The following HNMT variants were observed in gnomAD, a reference collection of about 807,000 sequenced individuals.
HNMT encodes the protein histamine N-methyltransferase.
In HNMT, 30 loss-of-function variants were observed where a neutral mutation model predicts 32.1. The observed-to-expected ratio is 0.93, with a 90% confidence interval of 0.70 to 1.27. HNMT has a LOEUF of 1.27. Ranked by LOEUF, HNMT falls within the 50% of genes most tolerant of loss-of-function variation. HNMT has a pLI of 0.00. For missense variants in HNMT, 327 were observed against 346.0 expected (o/e 0.95, Z 0.43); for synonymous variants, 125 against 119.0 (o/e 1.05, Z -0.33).
At chr2:138,005,374 T>C in intron 5 of HNMT, 149 bp downstream of exon 5, 1 of 595,694 alleles carries the variant, frequency 1.7e-6, no homozygotes, top group Non-Finnish European at 3.0e-6. Context: ...TTTCACAGTA[T>C]TAGGGAAGTC....
intron 2 of HNMT, among the ~76,000 whole-genome samples, chr2:137,983,764 G>C (rs750943033): frequency 6.6e-6 from 1 of 152,190 alleles, no homozygotes; most frequent in Non-Finnish European, 1.5e-5. Context: ...ATATGAGTAA[G>C]TTTGTTTGCA....
intron 5 of HNMT, among the ~76,000 whole-genome samples, chr2:138,010,615 A>G (rs947598479): frequency 2.0e-5 from 3 of 152,086 alleles, no homozygotes; most frequent in Non-Finnish European, 4.4e-5. Context: ...ATGGAAATAT[A>G]TGTTGCTTGA....
chr2:137,998,959 T>A (rs914092517), intron 2 of HNMT, among the ~76,000 whole-genome samples: 2 of 152,190 alleles, frequency 1.3e-5, no homozygotes, highest in African/African-American at 4.8e-5. Context: ...AGCCCACAGC[T>A]ATTCTTACCA....
chr2:138,007,530 G>A (rs1681366023), intron 5 of HNMT, among the ~76,000 whole-genome samples: 1 of 151,878 alleles, frequency 6.6e-6, no homozygotes, highest in Admixed American at 6.6e-5. Context: ...AGTAAATGAT[G>A]GAGTTCTCAT....
rs1395736028 is a variant in HNMT, at chr2:138,016,065, T to G, written c.*1935T>G. Reference sequence around the variant, plus strand: ...AAGGGATAAACCTATCCCTGTTTTCTTCCTGCACTGTATGATAATACCAAA... The same window carrying G: ...AAGGGATAAACCTATCCCTGTTTTCGTCCTGCACTGTATGATAATACCAAA... On this transcript the variant is annotated 3_prime_UTR_variant, in exon 6 of 6. Transcript: ENST00000280097. 1 of 152,252 alleles carries G rather than the reference T, an allele frequency of 6.6e-6. No homozygotes were observed. The highest frequency in any genetic ancestry group is 2.4e-5 in the African/African-American group (1 of 41,566). The allele number at this position is 152,252 out of a possible 1,614,324, so 9.4% of individuals were successfully genotyped here. A position where few individuals can be genotyped will look rare whatever the true frequency, so the allele number is the denominator to read the frequency against.
At chr2:137,995,752 G>A (rs1008738424) in intron 2 of HNMT, among the ~76,000 whole-genome samples, 3 of 151,854 alleles carry the variant, frequency 2.0e-5, no homozygotes, top group Non-Finnish European at 2.9e-5. Flanking sequence ...GATGAATATC[G>A]ATGGGAAAAT....
intron 5 of HNMT, among the ~76,000 whole-genome samples, chr2:138,011,784 C>G (rs750834699): frequency 5.9e-5 from 9 of 152,086 alleles, no homozygotes; most frequent in African/African-American, 2.2e-4. Flanking sequence ...ACTTCAGTAA[C>G]GTTAACTATT....
intron 5 of HNMT, 90 bp from the exon 6 acceptor site, chr2:138,013,685 T>C: frequency 1.1e-6 from 1 of 874,458 alleles, no homozygotes; most frequent in Admixed American, 2.6e-5. Context: ...ATTATTATTT[T>C]GTTCTATTCT....
At chr2:138,011,689 A>C (rs933142155) in intron 5 of HNMT, among the ~76,000 whole-genome samples, 1 of 152,132 alleles carries the variant, frequency 6.6e-6, no homozygotes, top group Non-Finnish European at 1.5e-5. Context: ...CTTGGGAACC[A>C]AAAGTATCTC....
At chr2:137,998,971 C>G (rs945740317) in intron 2 of HNMT, among the ~76,000 whole-genome samples, 4 of 152,026 alleles carry the variant, frequency 2.6e-5, no homozygotes, top group African/African-American at 7.3e-5. Flanking sequence ...TTCTTACCAG[C>G]CTTTTGTCTT....
In HNMT at chr2:138,012,216, T is replaced by C. The variant is rs373556888; in HGVS notation, c.524-1559T>C. Among the ~76,000 whole-genome samples the C allele has an allele frequency of 3.3e-5, 5 of 152,268 alleles. No homozygotes were observed. In the East Asian group the frequency reaches 9.7e-4, roughly 29 times the overall value. On this transcript the variant is annotated intron_variant, in intron 5 of 5. Coordinates refer to ENST00000280097, the MANE Select transcript of HNMT (RefSeq NM_006895.3). ...CTTAAATTATCTCATGTAATGCTTGTAGTTGCATTCAAGGTAAGTTTGATA... is the reference window on the plus strand; with the variant it reads ...CTTAAATTATCTCATGTAATGCTTGCAGTTGCATTCAAGGTAAGTTTGATA...
intron 2 of HNMT, among the ~76,000 whole-genome samples, chr2:138,000,241 A>G (rs1681119700): frequency 6.6e-6 from 1 of 152,050 alleles, no homozygotes; most frequent in Non-Finnish European, 1.5e-5. Context: ...TTACCCTGGG[A>G]GTGACAGAGT....
chr2:137,992,748 G>A (rs988266186), intron 2 of HNMT, among the ~76,000 whole-genome samples: 1 of 152,148 alleles, frequency 6.6e-6, no homozygotes, highest in Non-Finnish European at 1.5e-5. Flanking sequence ...CTCCAATAGA[G>A]GTTGTCAGAC....
chr2:137,970,915 G>A (rs368189996), intron 2 of HNMT, among the ~76,000 whole-genome samples: 1 of 61,790 alleles, frequency 1.6e-5, no homozygotes, highest in Non-Finnish European at 3.1e-5. Context: ...GCGAGACTAC[G>A]TCTCAAAAAA....
intron 1 of HNMT, among the ~76,000 whole-genome samples, chr2:137,967,934 C>T (rs921881936): frequency 2.6e-5 from 4 of 152,124 alleles, no homozygotes; most frequent in African/African-American, 9.7e-5. Context: ...ACCTAAAGAG[C>T]CTTGGTTTTC....
chr2:138,008,566 A>G (rs765716819), intron 5 of HNMT, among the ~76,000 whole-genome samples: 3 of 152,140 alleles, frequency 2.0e-5, no homozygotes, highest in Middle Eastern at 6.8e-3. Flanking sequence ...TGGTACTGGT[A>G]CAAAAACAAG....
chr2:138,002,142 G>T lies in HNMT; in HGVS notation c.377G>T (p.Arg126Ile). The change falls in exon 4 of 6, where the codon AGA becomes ATA. Residue 126 changes from arginine (R) to isoleucine (I), a missense_variant. Physicochemically the swap from Arg to Ile is moderately conservative, Grantham distance 97. Transcript: ENST00000280097. ...HKETSSEYQS[R>I]MLEKKELQKW... ...GAGACATCATCTGAATACCAAAGTA[G>T]AATGTTGGAGAAAAAGGAGCTTCAA... 1 of 1,599,796 alleles carries T rather than the reference G, an allele frequency of 6.3e-7. No individual in the cohort carries two copies. The highest frequency in any genetic ancestry group is 8.5e-7 in the Non-Finnish European group (1 of 1,170,994).
At chr2:137,987,161 A>G (rs1029668388) in intron 2 of HNMT, among the ~76,000 whole-genome samples, 14 of 152,162 alleles carry the variant, frequency 9.2e-5, no homozygotes, top group African/African-American at 2.9e-4. Flanking sequence ...TTGTTAACCC[A>G]AACAGCTGTT....
At chr2:137,980,578 C>T (rs1680461970) in intron 2 of HNMT, among the ~76,000 whole-genome samples, 1 of 152,054 alleles carries the variant, frequency 6.6e-6, no homozygotes, top group Non-Finnish European at 1.5e-5. Flanking sequence ...TCTTCAGCAC[C>T]CTTTGAAGCA....
Sources: allele counts gnomAD v4.1 joint callset (sites outside exome capture counted in the v4.1 genomes callset), GRCh38; gene constraint gnomAD v4.1.1; transcripts MANE v1.5; gene names NCBI Gene and HGNC (gene_info 2026-07-23, HGNC 2026-07-21).